TFPI: variants seen among roughly 807,000 people sequenced by gnomAD.
The protein encoded by TFPI is anti-convertin.
TFPI carries 15 observed loss-of-function variants against 34.6 expected under a neutral mutation model. The ratio of observed to expected loss-of-function variants is 0.43; its 90% CI spans 0.29 to 0.67. The LOEUF is 0.67. Among genes scored for constraint, TFPI ranks in the 30% least tolerant of loss-of-function variants. TFPI has a pLI of 0.15. For missense variants in TFPI, 301 were observed against 364.0 expected (o/e 0.83, Z 1.41); for synonymous variants, 105 against 120.1 (o/e 0.87, Z 0.82).
intron 3 of TFPI, among the ~76,000 whole-genome samples, chr2:187,489,930 T>G (rs987931942): frequency 1.8e-4 from 28 of 151,572 alleles, no homozygotes; most frequent in African/African-American, 4.8e-5. Flanking sequence ...TTCTTAGATT[T>G]AGACAGGACG....
rs1685045393 is a variant in TFPI, at chr2:187,490,505, A to AT, written c.320-2131dup. Reference sequence around the variant, plus strand: ...AATATCTTTCTTTCCACCAGGTAGTATTTTTTATCCTGTAGTCTACTTTTA... The same window carrying AT: ...AATATCTTTCTTTCCACCAGGTAGTATTTTTTTATCCTGTAGTCTACTTTTA... On this transcript the variant is annotated intron_variant, in intron 3 of 7. Coordinates refer to ENST00000233156, the MANE Select transcript of TFPI (RefSeq NM_006287.6). Among the ~76,000 whole-genome samples the AT allele has an allele frequency of 2.0e-5, 3 of 151,502 alleles. No homozygotes were observed. In the South Asian group the frequency reaches 6.2e-4, roughly 31 times the overall value.
At chr2:187,474,228 T>C (rs1692227303) in intron 6 of TFPI, among the ~76,000 whole-genome samples, 1 of 152,130 alleles carries the variant, frequency 6.6e-6, no homozygotes, top group Non-Finnish European at 1.5e-5. Context: ...AAGTAAAAAA[T>C]TAACATTTAG....
At chr2:187,477,415 A>G (rs1352409880) in intron 6 of TFPI, among the ~76,000 whole-genome samples, 1 of 152,182 alleles carries the variant, frequency 6.6e-6, no homozygotes, top group Non-Finnish European at 1.5e-5. Context: ...GAAAGTCAAG[A>G]TACTTCTTTA....
chr2:187,526,488 A>G (rs1041814584), intron 1 of TFPI, among the ~76,000 whole-genome samples: 94 of 152,314 alleles, frequency 6.2e-4, no homozygotes, highest in African/African-American at 2.2e-3. Flanking sequence ...AGAAGCTCAC[A>G]TAGAATTAAA....
At chr2:187,471,007 G>C (rs1398969203) in intron 6 of TFPI, among the ~76,000 whole-genome samples, 1 of 152,220 alleles carries the variant, frequency 6.6e-6, no homozygotes, top group Non-Finnish European at 1.5e-5. Flanking sequence ...CAGATCAACA[G>C]TGAGGTTCCT....
intron 1 of TFPI, among the ~76,000 whole-genome samples, chr2:187,521,501 G>C (rs1018176455): frequency 1.3e-5 from 2 of 151,866 alleles, no homozygotes; most frequent in African/African-American, 4.8e-5. Flanking sequence ...TTTAATTTTT[G>C]AGAAACCTTC....
intron 4 of TFPI, 37 bp from the exon 5 acceptor site, chr2:187,485,024 T>C (rs1559108395): frequency 9.3e-6 from 13 of 1,399,414 alleles, no homozygotes; most frequent in Middle Eastern, 2.1e-4. Context: ...CAATATTCTT[T>C]TGTGTAAATA....
chr2:187,543,431 TCAAC>T (rs1418095754), intron 1 of TFPI, among the ~76,000 whole-genome samples: 2 of 152,190 alleles, frequency 1.3e-5, no homozygotes, highest in African/African-American at 4.8e-5. Flanking sequence ...TAATTTAAGA[TCAAC>T]CAAGTAAAAA....
intron 1 of TFPI, among the ~76,000 whole-genome samples, chr2:187,531,534 A>G (rs1687956628): frequency 6.6e-6 from 1 of 152,138 alleles, no homozygotes; most frequent in Non-Finnish European, 1.5e-5. Context: ...AAATTTTCAT[A>G]TCAATTTTTC....
chr2:187,472,713 TAAAC>T (rs1287138304), intron 6 of TFPI, among the ~76,000 whole-genome samples: 1 of 152,158 alleles, frequency 6.6e-6, no homozygotes, highest in Non-Finnish European at 1.5e-5. Context: ...GTACTATTCA[TAAAC>T]AAAGAAAGAC....
chr2:187,484,605 TA>T, intron 5 of TFPI: 1 of 515,740 alleles, frequency 1.9e-6, no homozygotes, highest in Non-Finnish European at 3.3e-6. Context: ...TAATGCAACA[TA>T]AAAAGTATTA....
In TFPI at chr2:187,539,083, AGAGT is replaced by A. The variant is rs1688428984; in HGVS notation, c.-3+15113_-3+15116del. Among the ~76,000 whole-genome samples, 10 of 9,606 alleles carry A rather than the reference AGAGT, an allele frequency of 1.0e-3. No homozygotes were observed. The Admixed American group carries it at 0.019, about 18-fold the overall frequency. The allele number at this position is 9,606 out of a possible 152,430, so 6.3% of individuals were successfully genotyped here. A position where few individuals can be genotyped will look rare whatever the true frequency, so the allele number is the denominator to read the frequency against. On this transcript the variant is annotated intron_variant, in intron 1 of 7. Coordinates refer to ENST00000233156, the MANE Select transcript of TFPI (RefSeq NM_006287.6). ...TATTTATTTGTACCTTTGCCTAAAT[AGAGT>A]GTGTGTGTGTGTGTGTGTGTATGTG... is the stretch of plus-strand genomic sequence containing the variant.
chr2:187,465,015 A>G lies in TFPI; in HGVS notation c.*1921T>C, dbSNP rs1265827505. ...GCTGAGTAATTAACATTCAGTGTAC[A>G]GTGAGCATTCTTAACTAAATCAAAG... is the stretch of plus-strand genomic sequence containing the variant. On this transcript the variant is annotated 3_prime_UTR_variant, in exon 8 of 8. Coordinates refer to ENST00000233156, the MANE Select transcript of TFPI (RefSeq NM_006287.6). 6.6e-6 allele frequency: 1 copy of G among 152,224 alleles called. No homozygotes were observed. The highest frequency in any genetic ancestry group is 1.5e-5 in the Non-Finnish European group (1 of 68,044). 9.4% of individuals were successfully genotyped at this position (152,224 alleles called of 1,614,324 possible).
intron 1 of TFPI, among the ~76,000 whole-genome samples, chr2:187,529,083 C>T (rs907664834): frequency 1.3e-5 from 2 of 152,070 alleles, no homozygotes; most frequent in South Asian, 4.1e-4. Flanking sequence ...TGATAGTTAA[C>T]TGGTAAAAAC....
chr2:187,484,698 T>C (rs8176514), intron 5 of TFPI, 113 bp downstream of exon 5: 1 of 915,880 alleles, frequency 1.1e-6, no homozygotes, highest in African/African-American at 1.8e-5. Context: ...CACACAAATA[T>C]ATCTTCATTT....
At chr2:187,545,059 C>G (rs936320971) in intron 1 of TFPI, among the ~76,000 whole-genome samples, 1 of 148,616 alleles carries the variant, frequency 6.7e-6, no homozygotes, top group Non-Finnish European at 1.5e-5. Flanking sequence ...TGCAGTGAGC[C>G]GTGATCGTGC....
chr2:187,529,941 GTTGTACATT>G (rs1167979828), intron 1 of TFPI, among the ~76,000 whole-genome samples: 3 of 152,142 alleles, frequency 2.0e-5, no homozygotes, highest in African/African-American at 7.2e-5. Flanking sequence ...AACTTCTTAT[GTTGTACATT>G]TTATGATAAT....
intron 6 of TFPI, chr2:187,478,560 T>A: frequency 7.5e-7 from 1 of 1,342,224 alleles, no homozygotes. Context: ...ACAAGTGAGG[T>A]GCAGTGAGAA....
intron 1 of TFPI, chr2:187,546,633 T>C (rs2106324632): frequency 6.6e-6 from 1 of 152,262 alleles, no homozygotes; most frequent in Admixed American, 6.5e-5. Flanking sequence ...CTATTATAAT[T>C]ACCATACATA....
Sources: gnomAD v4.1 joint callset for allele counts (sites outside exome capture counted in the v4.1 genomes callset) on GRCh38, gnomAD v4.1.1 for gene constraint, MANE v1.5 for transcripts, NCBI Gene and HGNC (gene_info 2026-07-23, HGNC 2026-07-21) for gene names.